RCC2: variants seen among roughly 807,000 people sequenced by gnomAD.
RCC2 encodes protein RCC2.
A neutral mutation model predicts 64.1 loss-of-function variants in RCC2; 19 were observed. The ratio of observed to expected loss-of-function variants is 0.30; its 90% CI spans 0.21 to 0.44. The LOEUF is 0.44. Among genes scored for constraint, RCC2 ranks in the 20% least tolerant of loss-of-function variants. The pLI, the probability that RCC2 is intolerant of heterozygous loss-of-function variation, is 1.00. For synonymous variants in RCC2, 325 were observed against 279.6 expected (o/e 1.16, Z -1.62); for missense variants, 508 against 710.4 (o/e 0.72, Z 3.24).
chr1:17,422,759 G>A lies in RCC2; in HGVS notation c.601C>T (p.His201Tyr), dbSNP rs137931688. Reference protein sequence around the residue: ...EAPRLIEGLSHEVIVSAACGR... With the variant: ...EAPRLIEGLSYEVIVSAACGR... Reference sequence around the variant, plus strand: ...CATGCTGCAGACACAATCACTTCGTGGCTAAGACCCTCGATGAGTCTAGGG... The same window carrying A: ...CATGCTGCAGACACAATCACTTCGTAGCTAAGACCCTCGATGAGTCTAGGG... Residue 201 changes from histidine (H) to tyrosine (Y), a missense_variant, in exon 5 of 13, where the codon CAC (histidine) becomes TAC (tyrosine). This residue lies in a region of RCC2 where 132 missense variants were observed against 207.3 expected (regional missense o/e 0.64). Transcript: ENST00000375436. The A allele has an allele frequency of 1.2e-5, 19 of 1,614,010 alleles. No individual in the cohort carries two copies. The highest frequency in any genetic ancestry group is 1.7e-5 in the Admixed American group (1 of 59,994).
chr1:17,437,589 G>A (rs1290434990), intron 2 of RCC2, among the ~76,000 whole-genome samples: 1 of 14,224 alleles, frequency 7.0e-5, no homozygotes, highest in African/African-American at 3.5e-4. Context: ...CGAGCATCCT[G>A]CAGCTTCGGA....
Position 17,413,720 on chromosome 1 carries a change from G to A in RCC2, c.1027-3C>T, listed in dbSNP as rs1295987895. ...CGCTTCTGGGAGTCCAGGACCAGCT[G>A]CAAGGAAAGAAAACACAGGGTTGGA... On this transcript the variant is annotated splice_polypyrimidine_tract_variant and splice_region_variant and intron_variant, in intron 8 of 12. Coordinates refer to ENST00000375436, the MANE Select transcript of RCC2 (RefSeq NM_018715.4). 1 of 1,605,518 alleles carries A rather than the reference G, an allele frequency of 6.2e-7. No homozygotes were observed.
intron 2 of RCC2, among the ~76,000 whole-genome samples, chr1:17,436,959 CCTTTTGACAG>C (rs1188381023): frequency 6.6e-6 from 1 of 152,194 alleles, no homozygotes; most frequent in Non-Finnish European, 1.5e-5. Context: ...CCGGGCAAGA[CCTTTTGACAG>C]CTTTTGACGG....
Position 17,438,257 on chromosome 1 carries a change from G to A in RCC2, c.258C>T (p.Thr86=), listed in dbSNP as rs1412316147. The A allele has an allele frequency of 1.5e-6, 2 of 1,333,926 alleles. No homozygotes were observed. The highest frequency in any genetic ancestry group is 1.6e-5 in the African/African-American group (1 of 64,370). 82.6% of individuals were successfully genotyped at this position (1,333,926 alleles called of 1,614,324 possible). ...GKAGGAAVVI[T]EPEHTKERVK... ...CGCGCTCCTTGGTGTGCTCGGGTTC[G>A]GTGATGACCACGGCCGCGCCGCCCG... Residue 86 remains threonine, a synonymous_variant, in exon 2 of 13, where the codon ACC becomes ACT. Transcript: ENST00000375436.
At position 17,429,128 on chromosome 1, in the gene RCC2, T is replaced by G; in HGVS notation, c.357A>C (p.Arg119=). 6.2e-7 allele frequency: 1 copy of G among 1,614,206 alleles called. No homozygotes were observed. Among genetic ancestry groups the G allele is most frequent in the Non-Finnish European group, 8.5e-7 (1 of 1,180,002 alleles). The change falls in exon 3 of 13, where the codon CGA becomes CGC. Residue 119 remains arginine (R), a synonymous_variant. Coordinates refer to ENST00000375436, the MANE Select transcript of RCC2 (RefSeq NM_018715.4). ...TACCTTGCTGTTTAGGCACTTCTTT[T>G]CGACCAATCAAGTCCCAGTTGGTTG... is the stretch of plus-strand genomic sequence containing the variant. The part of the protein sequence containing the change: ...FGATNWDLIG[R]KEVPKQQAAY...
At chr1:17,438,833 C>T (rs1031130049) in intron 1 of RCC2, among the ~76,000 whole-genome samples, 4 of 152,142 alleles carry the variant, frequency 2.6e-5, no homozygotes, top group African/African-American at 7.2e-5. Context: ...GCAACCTCGC[C>T]CCCCAAAAGT....
intron 1 of RCC2, among the ~76,000 whole-genome samples, chr1:17,439,226 C>G (rs1284789326): frequency 1.1e-4 from 16 of 151,988 alleles, no homozygotes. Context: ...CAACTCTCTC[C>G]CAGCCCCCTT....
intron 7 of RCC2, among the ~76,000 whole-genome samples, chr1:17,419,836 C>T (rs2075532069): frequency 6.6e-6 from 1 of 152,222 alleles, no homozygotes; most frequent in Non-Finnish European, 1.5e-5. Flanking sequence ...CTGTCTCGGG[C>T]TCCACCACGG....
At chr1:17,412,093 TC>T (rs1557620669) in intron 11 of RCC2, 28 bp downstream of exon 11, 1 of 1,611,506 alleles carries the variant, frequency 6.2e-7, no homozygotes, top group Non-Finnish European at 8.5e-7. Flanking sequence ...GGCTTCCACT[TC>T]CCCTGACCCG....
intron 4 of RCC2, among the ~76,000 whole-genome samples, chr1:17,424,299 T>G (rs2075589692): frequency 6.6e-6 from 1 of 152,168 alleles, no homozygotes; most frequent in Admixed American, 6.5e-5. Context: ...TGGCGGGACA[T>G]ACATTGTCCC....
chr1:17,418,212 TA>T (rs374232229), intron 7 of RCC2, among the ~76,000 whole-genome samples: 3 of 132,966 alleles, frequency 2.3e-5, no homozygotes, highest in East Asian at 2.0e-4. Context: ...AAGCAGGTTC[TA>T]TTTTTTTTTT....
chr1:17,421,672 T>TA (rs1306223908), intron 6 of RCC2, among the ~76,000 whole-genome samples: 1 of 152,184 alleles, frequency 6.6e-6, no homozygotes, highest in African/African-American at 2.4e-5. Context: ...ATTTCTCCAT[T>TA]TGGAAACAAA....
At chr1:17,421,509 A>AG (rs1260046831) in intron 6 of RCC2, among the ~76,000 whole-genome samples, 1 of 152,004 alleles carries the variant, frequency 6.6e-6, no homozygotes, top group African/African-American at 2.4e-5. Flanking sequence ...CAAAAAAAAA[A>AG]GACTGCCTAT....
chr1:17,409,075 G>T lies in RCC2; in HGVS notation c.*15C>A, dbSNP rs7518375. ...TGCCGCGAGAGGTGTGGAGTCGGAG[G>T]AGTCTCCGGGAGCATCAGAGGGTTC... is the stretch of plus-strand genomic sequence containing the variant. On this transcript the variant is annotated 3_prime_UTR_variant, in exon 13 of 13. Coordinates refer to ENST00000375436, the MANE Select transcript of RCC2 (RefSeq NM_018715.4). 109 of 1,552,564 alleles carry T rather than the reference G, an allele frequency of 7.0e-5. No individual in the cohort carries two copies. The highest frequency in any genetic ancestry group is 9.0e-5 in the Non-Finnish European group (101 of 1,123,922).
intron 2 of RCC2, among the ~76,000 whole-genome samples, chr1:17,436,816 A>G (rs2800686): frequency 0.66 from 99,926 of 152,114 alleles, 33,041 homozygotes; most frequent in African/African-American, 0.72. Context: ...TTTTAGTTTC[A>G]TCCTAACATA....
intron 4 of RCC2, 26 bp downstream of exon 4, chr1:17,425,515 G>A: frequency 6.4e-7 from 1 of 1,571,714 alleles, no homozygotes; most frequent in Non-Finnish European, 8.7e-7. Flanking sequence ...GTGGTCCCCA[G>A]TGCCCAGCAC....
chr1:17,413,738 G>A, intron 8 of RCC2, 21 bp from the exon 9 acceptor site: 1 of 1,597,344 alleles, frequency 6.3e-7, no homozygotes, highest in Non-Finnish European at 8.5e-7. Flanking sequence ...AGAAAACACA[G>A]GGTTGGAACA....
rs1440216525 is a variant in RCC2, at chr1:17,408,898, T to C, written c.*192A>G. 3 of 536,946 alleles carry C rather than the reference T, an allele frequency of 5.6e-6. No homozygotes were observed. The Admixed American group carries it at 9.5e-5, about 17-fold the overall frequency. 33.3% of individuals were successfully genotyped at this position (536,946 alleles called of 1,614,324 possible). A position where few individuals can be genotyped will look rare whatever the true frequency, so the allele number is the denominator to read the frequency against. On this transcript the variant is annotated 3_prime_UTR_variant, in exon 13 of 13. Coordinates refer to ENST00000375436, the MANE Select transcript of RCC2 (RefSeq NM_018715.4). ...CAACATTAAGGGAAAAAAAAGGACTTTGGAAAGCATACAGAAAAAAAGGTA... is the reference window on the plus strand; with the variant it reads ...CAACATTAAGGGAAAAAAAAGGACTCTGGAAAGCATACAGAAAAAAAGGTA...
Position 17,438,261 on chromosome 1 carries a change from A to G in RCC2, c.254T>C (p.Ile85Thr). Reference protein sequence around the residue: ...AGKAGGAAVVITEPEHTKERV... With the variant: ...AGKAGGAAVVTTEPEHTKERV... ...CTCCTTGGTGTGCTCGGGTTCGGTG[A>G]TGACCACGGCCGCGCCGCCCGCCTT... Residue 85 changes from isoleucine (I) to threonine (T), a missense_variant, in exon 2 of 13, where the codon ATC becomes ACC. Ile to Thr is a moderately conservative substitution (Grantham distance 89). Coordinates refer to ENST00000375436, the MANE Select transcript of RCC2 (RefSeq NM_018715.4). The G allele has an allele frequency of 7.5e-7, 1 of 1,331,576 alleles. No homozygotes were observed. The highest frequency in any genetic ancestry group is 9.8e-7 in the Non-Finnish European group (1 of 1,022,556). 82.5% of individuals were successfully genotyped at this position (1,331,576 alleles called of 1,614,324 possible). A position where few individuals can be genotyped will look rare whatever the true frequency, so the allele number is the denominator to read the frequency against.
Sources: gnomAD v4.1 joint callset for allele counts (sites outside exome capture counted in the v4.1 genomes callset) on GRCh38, gnomAD v4.1.1 for gene constraint, gnomAD v4.1.1 regional missense constraint, MANE v1.5 for transcripts, NCBI Gene and HGNC (gene_info 2026-07-23, HGNC 2026-07-21) for gene names.